The following MIPEP variants were observed in gnomAD, a reference collection of about 807,000 sequenced individuals.
MIPEP encodes mitochondrial intermediate peptidase.
In MIPEP, 79 loss-of-function variants were observed where a neutral mutation model predicts 90.3. That is an observed-to-expected ratio of 0.87 (90% CI 0.73 to 1.05). MIPEP has a LOEUF of 1.05. MIPEP is among the 50% of genes least tolerant of loss of function. MIPEP has a pLI of 0.00. For synonymous variants in MIPEP, 334 were observed against 315.8 expected, an observed-to-expected ratio of 1.06 and a Z score of -0.61; for missense variants, 940 against 905.6, an observed-to-expected ratio of 1.04 and a Z score of -0.49.
intron 10 of MIPEP, among the ~76,000 whole-genome samples, chr13:23,841,917 C>T (rs1869314470): frequency 6.6e-6 from 1 of 151,976 alleles, no homozygotes; most frequent in Non-Finnish European, 1.5e-5. Flanking sequence ...AATAAAAATC[C>T]TGAGGCACAT....
intron 16 of MIPEP, among the ~76,000 whole-genome samples, chr13:23,787,719 T>C (rs778816551): frequency 7.9e-5 from 12 of 152,150 alleles, no homozygotes; most frequent in Non-Finnish European, 1.6e-4. Context: ...TCCAAGAATA[T>C]CTCTTTTAGG....
intron 7 of MIPEP, among the ~76,000 whole-genome samples, chr13:23,864,756 T>G (rs1399817658): frequency 3.6e-4 from 38 of 105,056 alleles, no homozygotes; most frequent in South Asian, 1.0e-3. Context: ...AAAAAAAGAG[T>G]TAATGGGAGG....
At chr13:23,886,149 C>T (rs1432157729) in intron 2 of MIPEP, among the ~76,000 whole-genome samples, 184 bp downstream of exon 2, 1 of 151,952 alleles carries the variant, frequency 6.6e-6, no homozygotes, top group Non-Finnish European at 1.5e-5. Context: ...TCACCTTTTC[C>T]TATAATATTT....
intron 18 of MIPEP, among the ~76,000 whole-genome samples, chr13:23,743,694 A>G (rs563208423): frequency 1.3e-5 from 2 of 152,356 alleles, no homozygotes; most frequent in South Asian, 4.1e-4. Context: ...TTTCATTGTC[A>G]GATTTAATAA....
intron 16 of MIPEP, among the ~76,000 whole-genome samples, chr13:23,800,876 T>C (rs1953028570): frequency 6.6e-6 from 1 of 152,224 alleles, no homozygotes; most frequent in Non-Finnish European, 1.5e-5. Flanking sequence ...GGTTCCTCAG[T>C]AGAGAAGCCA....
chr13:23,797,133 T>A (rs1313708816), intron 16 of MIPEP, among the ~76,000 whole-genome samples: 1 of 152,240 alleles, frequency 6.6e-6, no homozygotes, highest in Admixed American at 6.5e-5. Flanking sequence ...GAGAACATCA[T>A]GCCAACCACA....
intron 13 of MIPEP, 85 bp from the exon 14 acceptor site, chr13:23,836,434 G>A: frequency 1.6e-6 from 1 of 627,828 alleles, no homozygotes; most frequent in Non-Finnish European, 2.5e-6. Context: ...ACTTTTATTT[G>A]TACTTCTGAT....
At chr13:23,794,162 G>A (rs1450432372) in intron 16 of MIPEP, among the ~76,000 whole-genome samples, 1 of 152,062 alleles carries the variant, frequency 6.6e-6, no homozygotes, top group Non-Finnish European at 1.5e-5. Context: ...ACTGAGAACT[G>A]CAGATTTTAT....
At chr13:23,886,311 A>C in intron 2 of MIPEP, 22 bp downstream of exon 2, 2 of 1,442,854 alleles carry the variant, frequency 1.4e-6, no homozygotes, top group South Asian at 3.2e-5. Context: ...GGTAGCTTCA[A>C]GTCTGAGGTA....
chr13:23,864,467 C>T (rs1030367803), intron 7 of MIPEP, among the ~76,000 whole-genome samples: 1 of 152,154 alleles, frequency 6.6e-6, no homozygotes, highest in African/African-American at 2.4e-5. Flanking sequence ...CCAGGTGGCT[C>T]ATGCCTGTAA....
chr13:23,856,816 T>C (rs1870067095), intron 10 of MIPEP, among the ~76,000 whole-genome samples: 1 of 152,100 alleles, frequency 6.6e-6, no homozygotes, highest in Admixed American at 6.6e-5. Flanking sequence ...AGAGTATAGT[T>C]AGTGAAAAAA....
intron 18 of MIPEP, among the ~76,000 whole-genome samples, chr13:23,733,986 T>G (rs1359845595): frequency 6.6e-6 from 1 of 152,206 alleles, no homozygotes; most frequent in African/African-American, 2.4e-5. Context: ...ATAGAAACGC[T>G]GGGTATGTGA....
At chr13:23,733,055 T>C (rs552751560) in intron 18 of MIPEP, among the ~76,000 whole-genome samples, 2 of 152,258 alleles carry the variant, frequency 1.3e-5, no homozygotes, top group East Asian at 1.9e-4. Flanking sequence ...GATGTAAATA[T>C]AGGAAAATGT....
At chr13:23,866,793 C>G (rs1039309850) in intron 7 of MIPEP, among the ~76,000 whole-genome samples, 1 of 152,180 alleles carries the variant, frequency 6.6e-6, no homozygotes, top group Non-Finnish European at 1.5e-5. Flanking sequence ...GAACTCCACA[C>G]TCCATCTAAC....
At chr13:23,754,270 G>A (rs987848977) in intron 18 of MIPEP, among the ~76,000 whole-genome samples, 2 of 152,126 alleles carry the variant, frequency 1.3e-5, no homozygotes, top group South Asian at 4.1e-4. Flanking sequence ...CCACTACTAT[G>A]GGTCTTAGCT....
At chr13:23,749,712 A>G (rs1158323437) in intron 18 of MIPEP, among the ~76,000 whole-genome samples, 52 of 152,152 alleles carry the variant, frequency 3.4e-4, no homozygotes, top group Admixed American at 3.3e-3. Context: ...AACCATCTCT[A>G]TAACAACTGA....
chr13:23,816,917 A>G (rs950302812), intron 14 of MIPEP, among the ~76,000 whole-genome samples: 13 of 152,304 alleles, frequency 8.5e-5, no homozygotes, highest in African/African-American at 2.9e-4. Context: ...ACAATTCGCT[A>G]AAGTGTTACT....
intron 14 of MIPEP, among the ~76,000 whole-genome samples, chr13:23,818,283 G>C (rs925254477): frequency 5.3e-5 from 8 of 152,066 alleles, no homozygotes; most frequent in African/African-American, 1.9e-4. Flanking sequence ...AGCTGGGCCT[G>C]GTGGCGGGTG....
At chr13:23,749,087 AACTACT>A (rs951322287) in intron 18 of MIPEP, among the ~76,000 whole-genome samples, 1 of 152,214 alleles carries the variant, frequency 6.6e-6, no homozygotes, top group African/African-American at 2.4e-5. Context: ...TAGAAGTATT[AACTACT>A]ACTAATTTTC....
Sources: gnomAD v4.1 joint callset for allele counts (sites outside exome capture counted in the v4.1 genomes callset) on GRCh38, gnomAD v4.1.1 for gene constraint, MANE v1.5 for transcripts, NCBI Gene and HGNC (gene_info 2026-07-23, HGNC 2026-07-21) for gene names.